The following MLF1 variants were observed in gnomAD, a reference collection of about 807,000 sequenced individuals.
The protein encoded by MLF1 is myelodysplasia-myeloid leukemia factor 1.
A neutral mutation model predicts 38.3 loss-of-function variants in MLF1; 37 were observed. That is an observed-to-expected ratio of 0.96 (90% confidence interval 0.74 to 1.27). MLF1 has a LOEUF of 1.27. MLF1 is among the 50% of genes most tolerant of loss of function. MLF1 has a pLI of 0.00. For missense variants in MLF1, 331 were observed against 349.2 expected (o/e 0.95, Z 0.42); for synonymous variants, 95 against 106.5 (o/e 0.89, Z 0.66).
chr3:158,578,225 A>G (rs746985531), intron 1 of MLF1, among the ~76,000 whole-genome samples: 1 of 152,118 alleles, frequency 6.6e-6, no homozygotes, highest in Non-Finnish European at 1.5e-5. Context: ...TTTTGCCACT[A>G]CCATGTATAA....
chr3:158,599,913 T>C (rs1719486629), intron 5 of MLF1, 101 bp from the exon 6 acceptor site: 1 of 435,850 alleles, frequency 2.3e-6, no homozygotes, highest in African/African-American at 2.1e-5. Flanking sequence ...ACATTATTTT[T>C]AGAGCAATAG....
chr3:158,576,950 C>A (rs1166485704), intron 1 of MLF1, among the ~76,000 whole-genome samples: 1 of 152,116 alleles, frequency 6.6e-6, no homozygotes, highest in Non-Finnish European at 1.5e-5. Flanking sequence ...GGGATACAGG[C>A]ATGAGCCACC....
intron 1 of MLF1, among the ~76,000 whole-genome samples, chr3:158,572,280 G>A (rs1385373248): frequency 7.1e-6 from 1 of 140,012 alleles, no homozygotes; most frequent in Admixed American, 7.0e-5. Flanking sequence ...GTGAGGTGGG[G>A]GGACGGTTTG....
chr3:158,581,748 G>A (rs1313986915), intron 1 of MLF1, among the ~76,000 whole-genome samples: 1 of 152,210 alleles, frequency 6.6e-6, no homozygotes, highest in Non-Finnish European at 1.5e-5. Context: ...AGGAATATTG[G>A]AATTATCAGA....
At chr3:158,599,928 A>G (rs565269422) in intron 5 of MLF1, 86 bp from the exon 6 acceptor site, 1 of 509,070 alleles carries the variant, frequency 2.0e-6, no homozygotes, top group Admixed American at 4.6e-5. Context: ...CAATAGATCT[A>G]TGGCCATATC....
intron 6 of MLF1, among the ~76,000 whole-genome samples, chr3:158,600,413 T>G (rs1719573748): frequency 8.3e-6 from 1 of 119,920 alleles, no homozygotes; most frequent in Non-Finnish European, 1.7e-5. Context: ...AAGTGGAATC[T>G]TTTGAATTGT....
chr3:158,593,227 G>C (rs1182095846), intron 2 of MLF1, among the ~76,000 whole-genome samples, 155 bp from the exon 3 acceptor site: 1 of 151,856 alleles, frequency 6.6e-6, no homozygotes, highest in Non-Finnish European at 1.5e-5. Flanking sequence ...ATGAATGATA[G>C]TTCTAAGATA....
Position 158,592,448 on chromosome 3 carries a change from C to A in MLF1, c.62C>A (p.Ala21Glu), listed in dbSNP as rs1336794375. 6.2e-7 allele frequency: 1 copy of A among 1,606,830 alleles called. No homozygotes were observed. Among genetic ancestry groups the A allele is most frequent in the African/African-American group, 1.3e-5 (1 of 74,396 alleles). The change falls in exon 2 of 8, where the codon GCA (alanine) becomes GAA (glutamate). Residue 21 changes from alanine to glutamate, a missense_variant. By Grantham distance (107) the Ala-to-Glu change is moderately radical (BLOSUM62 -1). Transcript: ENST00000466246. ...ATTTTCAACAGTGAGTCCATTCTTG[C>A]ACACCGAGAAAATATGCGACAGATG... ...DDPFFSESIL[A>E]HRENMRQMIR...
chr3:158,600,572 TTA>T (rs4020788), intron 6 of MLF1, among the ~76,000 whole-genome samples: 3 of 150,962 alleles, frequency 2.0e-5, no homozygotes, highest in East Asian at 3.9e-4. Flanking sequence ...CCTAATCATT[TTA>T]TATATATAAA....
rs771644792 is a variant in MLF1 at position 158,605,062 on chromosome 3, T to A, written c.747-35T>A. The A allele has an allele frequency of 5.5e-6, 8 of 1,467,576 alleles. No individual in the cohort carries two copies. In the African/African-American group the frequency reaches 1.1e-4, roughly 21 times the overall value. The allele number at this position is 1,467,576 out of a possible 1,614,324, so 90.9% of individuals were successfully genotyped here. A position where few individuals can be genotyped will look rare whatever the true frequency, so the allele number is the denominator to read the frequency against. On this transcript the variant is annotated intron_variant, in intron 7 of 7. Coordinates refer to ENST00000466246, the MANE Select transcript of MLF1 (RefSeq NM_001369783.1). ...GATTTATAAACCATTGGCCATTTTT[T>A]AAATGATATTAATATTCACATGTAT...
At chr3:158,584,944 G>T (rs1301915464) in intron 1 of MLF1, among the ~76,000 whole-genome samples, 1 of 150,576 alleles carries the variant, frequency 6.6e-6, no homozygotes, top group African/African-American at 2.4e-5. Flanking sequence ...AGGCTGAGGT[G>T]GGAGGATCAT....
intron 3 of MLF1, among the ~76,000 whole-genome samples, chr3:158,595,003 C>A (rs1453393116): frequency 6.6e-6 from 1 of 152,104 alleles, no homozygotes; most frequent in Non-Finnish European, 1.5e-5. Context: ...ATTTATTAAA[C>A]CCTCTTAAGT....
At chr3:158,573,972 T>A (rs1714979094) in intron 1 of MLF1, among the ~76,000 whole-genome samples, 1 of 151,254 alleles carries the variant, frequency 6.6e-6, no homozygotes, top group Non-Finnish European at 1.5e-5. Context: ...ACCCTGCTAA[T>A]TTTTTTTGTA....
chr3:158,594,724 C>T (rs1363159580), intron 3 of MLF1, among the ~76,000 whole-genome samples: 1 of 152,056 alleles, frequency 6.6e-6, no homozygotes, highest in Non-Finnish European at 1.5e-5. Context: ...TGGTGATTGA[C>T]AGGGTTGAAG....
intron 1 of MLF1, among the ~76,000 whole-genome samples, chr3:158,572,149 G>GCACA (rs1714509041): frequency 8.5e-6 from 1 of 117,758 alleles, no homozygotes; most frequent in Non-Finnish European, 1.8e-5. Context: ...TGTAGGAGGA[G>GCACA]GGTTGAGGAC....
intron 1 of MLF1, among the ~76,000 whole-genome samples, chr3:158,580,197 C>G (rs180792581): frequency 6.6e-6 from 1 of 151,562 alleles, no homozygotes; most frequent in African/African-American, 2.4e-5. Context: ...GGACTTAATA[C>G]CTAGGTGATG....
At chr3:158,598,352 T>G in intron 5 of MLF1, 144 bp downstream of exon 5, 2 of 820,680 alleles carry the variant, frequency 2.4e-6, no homozygotes, top group Non-Finnish European at 3.7e-6. Context: ...GGTAAGGTAG[T>G]CCTCACTGTG....
chr3:158,580,017 G>T (rs1716083242), intron 1 of MLF1, among the ~76,000 whole-genome samples: 2 of 152,270 alleles, frequency 1.3e-5, no homozygotes, highest in East Asian at 1.9e-4. Flanking sequence ...ATACTGCAAA[G>T]GTATAACGAA....
chr3:158,605,030 T>A, intron 7 of MLF1, 67 bp from the exon 8 acceptor site: 1 of 1,135,356 alleles, frequency 8.8e-7, no homozygotes, highest in Admixed American at 2.3e-5. Flanking sequence ...TTTAACATGT[T>A]TGTATTGATT....
Sources: allele counts gnomAD v4.1 joint callset (sites outside exome capture counted in the v4.1 genomes callset), GRCh38; gene constraint gnomAD v4.1.1; transcripts MANE v1.5; gene names NCBI Gene and HGNC (gene_info 2026-07-23, HGNC 2026-07-21).